TSPEAR: variants seen among roughly 807,000 people sequenced by gnomAD.
TSPEAR encodes thrombospondin type laminin G domain and EAR repeats.
Under a neutral mutation model 71.6 loss-of-function variants are expected in TSPEAR, and 69 were observed. That is an observed-to-expected ratio of 0.96 (90% CI 0.79 to 1.18). The LOEUF is 1.18. Among genes scored for constraint, TSPEAR ranks in the 50% most tolerant of loss-of-function variants. TSPEAR has a pLI of 0.00. For missense variants in TSPEAR, 971 were observed against 894.9 expected, an observed-to-expected ratio of 1.09 and a Z score of -1.09; for synonymous variants, 402 against 387.2, an observed-to-expected ratio of 1.04 and a Z score of -0.45.
At chr21:44,707,600 A>G (rs1008360992) in intron 1 of TSPEAR, among the ~76,000 whole-genome samples, 17 of 152,206 alleles carry the variant, frequency 1.1e-4, no homozygotes, top group Admixed American at 4.6e-4. Context: ...GGAGCGGGGG[A>G]AAAGCCCTGG....
At chr21:44,561,859 C>T (rs1601418820) in intron 2 of TSPEAR, among the ~76,000 whole-genome samples, 1 of 152,092 alleles carries the variant, frequency 6.6e-6, no homozygotes, top group South Asian at 2.1e-4. Context: ...TTATGATAAA[C>T]CCATAGTCAA....
At chr21:44,536,786 T>C (rs1410554592) in intron 2 of TSPEAR, among the ~76,000 whole-genome samples, 1 of 151,916 alleles carries the variant, frequency 6.6e-6, no homozygotes, top group Non-Finnish European at 1.5e-5. Flanking sequence ...CATAGAAAAA[T>C]CCAAGAAAAT....
chr21:44,591,688 C>T, intron 1 of TSPEAR: 2 of 1,577,496 alleles, frequency 1.3e-6, no homozygotes, highest in East Asian at 4.7e-5. Flanking sequence ...GGCGTGCTGG[C>T]AGGGGGAGGA....
At chr21:44,657,916 C>T (rs763620051) in intron 1 of TSPEAR, 97 of 1,530,472 alleles carry the variant, frequency 6.3e-5, no homozygotes, top group Non-Finnish European at 8.0e-5. Flanking sequence ...ATAAAGACCA[C>T]CAGAGAAGCA....
chr21:44,613,810 G>T (rs951495772), intron 1 of TSPEAR, among the ~76,000 whole-genome samples: 1 of 152,078 alleles, frequency 6.6e-6, no homozygotes. Context: ...CCCAAGGCCC[G>T]CCGCCCCTGC....
At chr21:44,678,848 A>G (rs1447402803) in intron 1 of TSPEAR, among the ~76,000 whole-genome samples, 2 of 152,254 alleles carry the variant, frequency 1.3e-5, no homozygotes, top group African/African-American at 2.4e-5. Flanking sequence ...TAGCTGAAAA[A>G]GTAAGCAAAA....
chr21:44,581,599 G>A (rs587745390), intron 1 of TSPEAR, among the ~76,000 whole-genome samples: 1 of 152,196 alleles, frequency 6.6e-6, no homozygotes, highest in African/African-American at 2.4e-5. Context: ...TTGTTTCTAT[G>A]CGTGTGCATT....
At chr21:44,666,752 A>C in intron 1 of TSPEAR, 1 of 1,613,998 alleles carries the variant, frequency 6.2e-7, no homozygotes, top group Non-Finnish European at 8.5e-7. Flanking sequence ...TCACGGGCAC[A>C]CACACGGAGG....
intron 1 of TSPEAR, among the ~76,000 whole-genome samples, chr21:44,579,025 C>G (rs1463734072): frequency 6.6e-6 from 1 of 152,208 alleles, no homozygotes; most frequent in Non-Finnish European, 1.5e-5. Context: ...GCAGGTGCAG[C>G]AGCCCCTCCC....
At chr21:44,620,557 T>C (rs1277898881) in intron 1 of TSPEAR, among the ~76,000 whole-genome samples, 4 of 152,272 alleles carry the variant, frequency 2.6e-5, no homozygotes, top group African/African-American at 9.6e-5. Flanking sequence ...TTTGAATCTG[T>C]CTTCCTTTAA....
chr21:44,700,656 C>G (rs761098880), intron 1 of TSPEAR, among the ~76,000 whole-genome samples: 48 of 152,228 alleles, frequency 3.2e-4, no homozygotes, highest in Non-Finnish European at 6.3e-4. Context: ...GGCCCTGAAG[C>G]CTCAGCCCCT....
rs142931143 is a variant in TSPEAR at position 44,709,787 on chromosome 21, A to C, written c.82+1646T>G. ...GAGCGAGCGCGCGCCTGTGCTTCCC[A>C]AAACGGAATGGAACCAAGGTGACTT... On this transcript the variant is annotated intron_variant, in intron 1 of 11. Transcript: ENST00000323084. Among the ~76,000 whole-genome samples the C allele has an allele frequency of 3.6e-3, 543 of 152,380 alleles. 2 individuals carry two copies. Among genetic ancestry groups the C allele is most frequent in the African/African-American group, 0.011 (448 of 41,592 alleles).
chr21:44,590,045 C>T (rs587705448), intron 1 of TSPEAR, among the ~76,000 whole-genome samples: 39 of 152,174 alleles, frequency 2.6e-4, no homozygotes, highest in African/African-American at 6.3e-4. Flanking sequence ...GCCCTGGGGA[C>T]GGCTGCTGCT....
At chr21:44,652,572 G>A (rs952729122) in intron 1 of TSPEAR, among the ~76,000 whole-genome samples, 6 of 152,280 alleles carry the variant, frequency 3.9e-5, no homozygotes, top group Admixed American at 2.0e-4. Context: ...TATGTCTTAC[G>A]AAGGGGGAAT....
chr21:44,661,770 G>C (rs190885994), intron 1 of TSPEAR, among the ~76,000 whole-genome samples: 14 of 152,224 alleles, frequency 9.2e-5, no homozygotes, highest in Admixed American at 3.3e-4. Context: ...AGAGAAAGAC[G>C]GGGCTGGGGG....
chr21:44,687,240 G>A lies in TSPEAR; in HGVS notation c.82+24193C>T, dbSNP rs116562742. On this transcript the variant is annotated intron_variant, in intron 1 of 11. Coordinates refer to ENST00000323084, the MANE Select transcript of TSPEAR (RefSeq NM_144991.3). This position sits in a 1 kb window ranked among gnomAD's most constrained non-coding sequence, Gnocchi z 4.4. ...TGACAGGGAGGTAGATTTCAGCTCAGCAGGAGGAAGGGTCCCCTGAAAGCC... is the reference window on the plus strand; with the variant it reads ...TGACAGGGAGGTAGATTTCAGCTCAACAGGAGGAAGGGTCCCCTGAAAGCC... Among the ~76,000 whole-genome samples, 1,609 of 152,270 alleles carry A rather than the reference G, an allele frequency of 0.011. 34 individuals are homozygous for A. Among genetic ancestry groups the A allele is most frequent in the African/African-American group, 0.035 (1,435 of 41,548 alleles).
intron 1 of TSPEAR, chr21:44,658,471 CCTT>C (rs1311513592): frequency 1.4e-4 from 84 of 599,318 alleles, no homozygotes; most frequent in African/African-American, 1.4e-3. Context: ...CTGCCAGAGT[CCTT>C]CTCTCACTCC....
At chr21:44,594,997 T>C (rs1980267350) in intron 1 of TSPEAR, among the ~76,000 whole-genome samples, 2 of 152,034 alleles carry the variant, frequency 1.3e-5, no homozygotes, top group South Asian at 4.1e-4. Flanking sequence ...AATTTTTGTA[T>C]TTTTAGTAGA....
At chr21:44,590,459 G>T (rs968642778) in intron 1 of TSPEAR, among the ~76,000 whole-genome samples, 1 of 152,238 alleles carries the variant, frequency 6.6e-6, no homozygotes, top group South Asian at 2.1e-4. Context: ...GGGCAGGGGG[G>T]CCCGCAGGCT....
Sources: allele counts gnomAD v4.1 joint callset (sites outside exome capture counted in the v4.1 genomes callset), GRCh38; gene constraint gnomAD v4.1.1; non-coding constraint Gnocchi (gnomAD v3.1); transcripts MANE v1.5; gene names NCBI Gene and HGNC (gene_info 2026-07-23, HGNC 2026-07-21).